The following CLEC12A variants were observed in gnomAD, a reference collection of about 807,000 sequenced individuals.
The protein encoded by CLEC12A is C-type lectin domain family 12 member A.
Under a neutral mutation model 26.5 loss-of-function variants are expected in CLEC12A, and 22 were observed. The observed-to-expected ratio is 0.83, with a 90% CI of 0.59 to 1.19. CLEC12A has a LOEUF of 1.19. CLEC12A is among the 50% of genes most tolerant of loss of function. The probability of loss-of-function intolerance (pLI) is 0.00; values close to 1 mark genes in which losing one functional copy is unlikely to be tolerated. For synonymous variants in CLEC12A, 119 were observed against 101.9 expected (o/e 1.17, Z -1.01); for missense variants, 353 against 315.6 (o/e 1.12, Z -0.90).
At chr12:9,986,244 C>G, downstream of CLEC12A, 1 of 374,472 alleles carries the variant, frequency 2.7e-6, no homozygotes, top group South Asian at 1.9e-5. Context: ...AAAAAGGAAC[C>G]TATTCCATTA....
chr12:9,980,495 G>T, intron 3 of CLEC12A, 87 bp from the exon 4 acceptor site: 1 of 1,244,394 alleles, frequency 8.0e-7, no homozygotes, highest in Non-Finnish European at 1.1e-6. Context: ...CAGCAAATGT[G>T]ATCAATGTCA....
At chr12:9,959,124 C>G (rs1863788481) in intron 1 of CLEC12A, among the ~76,000 whole-genome samples, 1 of 152,154 alleles carries the variant, frequency 6.6e-6, no homozygotes, top group Non-Finnish European at 1.5e-5. Context: ...AAATAGCAGT[C>G]TGACCCTCAG....
At chr12:9,993,459 C>A in intron 4 of CLEC12A, 1 of 620,106 alleles carries the variant, frequency 1.6e-6, no homozygotes, top group Non-Finnish European at 2.8e-6. Flanking sequence ...CTTGGCAGTA[C>A]AAGATATGCA....
chr12:9,959,773 G>T (rs1035513325), intron 1 of CLEC12A, among the ~76,000 whole-genome samples: 3 of 152,146 alleles, frequency 2.0e-5, no homozygotes, highest in African/African-American at 7.2e-5. Context: ...CTGGGAAAAG[G>T]TCTTGCCCCT....
intron 4 of CLEC12A, chr12:9,992,341 AC>A (rs1448724667): frequency 5.3e-5 from 8 of 152,098 alleles, no homozygotes; most frequent in Admixed American, 5.2e-4. Context: ...GAAAATTACT[AC>A]TGTTGAATCT....
rs568986599 is a variant in CLEC12A at position 9,985,277 on chromosome 12, A to T, written c.*251A>T. 2.5e-6 allele frequency: 1 copy of T among 405,066 alleles called. No homozygotes were observed. The highest frequency in any genetic ancestry group is 4.3e-6 in the Non-Finnish European group (1 of 234,880). 25.1% of individuals were successfully genotyped at this position (405,066 alleles called of 1,614,324 possible). A position where few individuals can be genotyped will look rare whatever the true frequency, so the allele number is the denominator to read the frequency against. On this transcript the variant is annotated 3_prime_UTR_variant, in exon 6 of 6. Coordinates refer to ENST00000304361, the MANE Select transcript of CLEC12A (RefSeq NM_138337.6). The stretch of plus-strand genomic sequence containing the variant: ...TGAACCCTGGAGGAAGAGGAAGTCC[A>T]TTCAGATAGTTGTGGGGGGCCTTCG...
intron 4 of CLEC12A, chr12:9,991,986 C>T (rs569047967): frequency 2.0e-5 from 3 of 152,204 alleles, no homozygotes; most frequent in Non-Finnish European, 4.4e-5. Context: ...TGAGTAACAT[C>T]AGCATTTGAG....
At chr12:9,987,734 G>T (rs1347403737), downstream of CLEC12A, among the ~76,000 whole-genome samples, 2 of 151,938 alleles carry the variant, frequency 1.3e-5, no homozygotes, top group Non-Finnish European at 2.9e-5. Context: ...CTGTTAACCT[G>T]TATGTTTTTG....
chr12:9,971,677 TG>T lies in CLEC12A; in HGVS notation c.85del (p.Glu29LysfsTer18), dbSNP rs1347614705. ...MEKIPEIGKF[G>X]EKAPPAPSHV... Reference sequence around the variant, plus strand: ...AAAAAATCCCAGAAATTGGCAAATTTGGGGAAAAAGGTAAGATTTTGAGTTA... The same window carrying T: ...AAAAAATCCCAGAAATTGGCAAATTTGGGAAAAAGGTAAGATTTTGAGTTA... On this transcript the variant is annotated frameshift_variant, in exon 1 of 6. Transcript: ENST00000304361. LOFTEE classifies it high-confidence loss of function. The T allele has an allele frequency of 2.5e-6, 4 of 1,609,262 alleles. No homozygotes were observed. The highest frequency in any genetic ancestry group is 3.4e-6 in the Non-Finnish European group (4 of 1,177,682).
chr12:9,983,763 A>G, intron 5 of CLEC12A: 1 of 452,560 alleles, frequency 2.2e-6, no homozygotes, highest in South Asian at 3.5e-5. Context: ...TTTCTTTCAC[A>G]TAGAAATAGT....
chr12:9,965,198 T>C (rs904558853), intron 1 of CLEC12A, among the ~76,000 whole-genome samples: 2 of 152,138 alleles, frequency 1.3e-5, no homozygotes, highest in African/African-American at 4.8e-5. Flanking sequence ...AAGGTCAAGT[T>C]GTTTGGACAG....
rs551042230 is a variant in CLEC12A, at chr12:9,990,697, T to C, written n.1005-4321T>C. ...AAGCAGTAGCAGGATTTGAGAGGAC[T>C]GACTTCAATTTTGAAAGAAGTTTAC... is the stretch of plus-strand genomic sequence containing the variant. On this transcript the variant is annotated intron_variant and non_coding_transcript_variant, in intron 4 of 4. Transcript: ENST00000449959. 9.2e-5 allele frequency among the ~76,000 whole-genome samples: 14 copies of C among 152,336 alleles called. No homozygotes were observed. In the South Asian group the frequency reaches 2.3e-3, roughly 25 times the overall value.
At chr12:9,962,200 G>A (rs1256896590) in intron 1 of CLEC12A, among the ~76,000 whole-genome samples, 1 of 149,484 alleles carries the variant, frequency 6.7e-6, no homozygotes, top group African/African-American at 2.5e-5. Context: ...CTTGTAAATT[G>A]TCCTGTTATT....
At chr12:9,963,930 A>G (rs1344920562) in intron 1 of CLEC12A, among the ~76,000 whole-genome samples, 1 of 152,198 alleles carries the variant, frequency 6.6e-6, no homozygotes, top group Admixed American at 6.5e-5. Context: ...TTGAGTGTCT[A>G]TGAGCTACCT....
rs758488734 is a variant in CLEC12A, at chr12:9,979,368, A to C, written c.223A>C (p.Met75Leu). ...AACTTTGAAGATAGAAATGAAAAAA[A>C]TGAACAAACTACAAAACATCAGTGA... The part of the protein sequence containing the change: ...HVTLKIEMKK[M>L]NKLQNISEEL... Residue 75 changes from methionine (M) to leucine (L), a missense_variant, in exon 3 of 6, where the codon ATG becomes CTG. By Grantham distance (15) the Met-to-Leu change is conservative. Coordinates refer to ENST00000304361, the MANE Select transcript of CLEC12A (RefSeq NM_138337.6). 1 of 1,601,618 alleles carries C rather than the reference A, an allele frequency of 6.2e-7. No individual in the cohort carries two copies. Among genetic ancestry groups the C allele is most frequent in the Non-Finnish European group, 8.5e-7 (1 of 1,174,056 alleles).
At chr12:9,997,068 T>G (rs1428275118), downstream of CLEC12A, 1 of 1,609,150 alleles carries the variant, frequency 6.2e-7, no homozygotes, top group East Asian at 2.2e-5. Context: ...TCACATTCAA[T>G]GTTTTCTGCA....
chr12:9,964,247 G>A (rs1234253987), intron 1 of CLEC12A, among the ~76,000 whole-genome samples: 3 of 152,176 alleles, frequency 2.0e-5, no homozygotes, highest in Non-Finnish European at 2.9e-5. Context: ...CATCAGGAGG[G>A]TAAAGGTGAG....
chr12:9,965,266 G>A (rs1342266779), intron 1 of CLEC12A, among the ~76,000 whole-genome samples: 2 of 152,142 alleles, frequency 1.3e-5, no homozygotes, highest in East Asian at 1.9e-4. Flanking sequence ...CCCTAACCAT[G>A]CCTAGGAAGG....
At chr12:9,967,833 G>A (rs1161576116), upstream of CLEC12A, among the ~76,000 whole-genome samples, 1 of 152,174 alleles carries the variant, frequency 6.6e-6, no homozygotes, top group African/African-American at 2.4e-5. Context: ...GTCGCTAAGG[G>A]TGAAGGACCA....
Sources: gnomAD v4.1 joint callset for allele counts (sites outside exome capture counted in the v4.1 genomes callset) on GRCh38, gnomAD v4.1.1 for gene constraint, MANE v1.5 for transcripts, NCBI Gene and HGNC (gene_info 2026-07-23, HGNC 2026-07-21) for gene names.